Variants in CTPS2 observed in about 807,000 individuals in gnomAD.
CTPS2 encodes CTP synthase II.
A neutral mutation model predicts 46.8 loss-of-function variants in CTPS2; 19 were observed. The observed-to-expected ratio is 0.41, with a 90% CI of 0.28 to 0.60. CTPS2 has a LOEUF of 0.60. CTPS2 is among the 20% of genes least tolerant of loss of function. CTPS2 has a pLI of 0.35. For synonymous variants in CTPS2, 151 were observed against 165.2 expected, an observed-to-expected ratio of 0.91 and a Z score of 0.66; for missense variants, 286 against 447.6, an observed-to-expected ratio of 0.64 and a Z score of 3.26.
chrX:16,695,613 G>A (rs1365912509), intron 4 of CTPS2, among the ~76,000 whole-genome samples: 1 of 110,120 alleles, frequency 9.1e-6, no homozygotes, highest in Non-Finnish European at 1.9e-5. Flanking sequence ...GTGCAATGGC[G>A]CGATGTCGGC....
chrX:16,630,748 G>A (rs1176666090), intron 14 of CTPS2, among the ~76,000 whole-genome samples: 1 of 111,973 alleles, frequency 8.9e-6, no homozygotes, highest in African/African-American at 3.3e-5. Flanking sequence ...GTGCTGGTTT[G>A]GAGGGCATAG....
chrX:16,693,390 T>A lies in CTPS2; in HGVS notation c.536A>T (p.His179Leu). 1.7e-6 allele frequency: 2 copies of A among 1,203,439 alleles called. No individual in the cohort carries two copies. Among genetic ancestry groups the A allele is most frequent in the Non-Finnish European group, 2.3e-6 (2 of 888,151 alleles). The change falls in exon 5 of 19, where the codon CAC becomes CTC. Residue 179 changes from histidine to leucine, a missense_variant. By Grantham distance (99) the His-to-Leu change is moderately conservative. Coordinates refer to ENST00000359276, the MANE Select transcript of CTPS2 (RefSeq NM_175859.3). ...GCCCACCTGTGGGACAAGGCTAACG[T>A]GGATATTACAGAAATTCTCTCTTTT... ...KAKRENFCNI[H>L]VSLVPQLSAT...
chrX:16,652,182 G>A (rs1174490628), intron 13 of CTPS2, among the ~76,000 whole-genome samples: 4 of 111,342 alleles, frequency 3.6e-5, no homozygotes, highest in Non-Finnish European at 7.5e-5. Context: ...AGGCCTAGTC[G>A]AGCAGAGGAC....
At position 16,702,904 on chromosome X, in the gene CTPS2, G is replaced by A. The variant is rs1273499818; in HGVS notation, c.-2C>T. ...ACCCGTGACCAGGATGTACTTCATT[G>A]GCAGAATAGTGGCTGGGTGCCAACA... On this transcript the variant is annotated 5_prime_UTR_variant, in exon 2 of 19. Coordinates refer to ENST00000359276, the MANE Select transcript of CTPS2 (RefSeq NM_175859.3). The A allele has an allele frequency of 8.3e-7, 1 of 1,198,722 alleles. No individual in the cohort carries two copies. The highest frequency in any genetic ancestry group is 2.2e-5 in the Admixed American group (1 of 45,159).
chrX:16,701,629 T>C (rs778913572), intron 2 of CTPS2, among the ~76,000 whole-genome samples: 7 of 102,638 alleles, frequency 6.8e-5, no homozygotes, highest in African/African-American at 2.5e-4. Context: ...TGAGATGGAG[T>C]CTCACTCTGT....
intron 13 of CTPS2, among the ~76,000 whole-genome samples, chrX:16,651,582 G>T (rs769502735): frequency 6.2e-5 from 7 of 112,249 alleles, no homozygotes; most frequent in African/African-American, 2.3e-4. Flanking sequence ...TTAGCAGTCT[G>T]TTAGGAAAAC....
chrX:16,701,990 G>C (rs1569238466), intron 2 of CTPS2, among the ~76,000 whole-genome samples: 1 of 111,248 alleles, frequency 9.0e-6, no homozygotes, highest in Non-Finnish European at 1.9e-5. Context: ...TATGATTTAT[G>C]CACTTTTTTG....
At chrX:16,620,579 C>T (rs970599357) in intron 14 of CTPS2, among the ~76,000 whole-genome samples, 3 of 112,595 alleles carry the variant, frequency 2.7e-5, no homozygotes, top group African/African-American at 9.7e-5. Context: ...CCAGATGCTA[C>T]ACAAGTCCAC....
At chrX:16,611,427 G>A (rs948043727) in intron 16 of CTPS2, among the ~76,000 whole-genome samples, 16 of 108,604 alleles carry the variant, frequency 1.5e-4, no homozygotes, top group Non-Finnish European at 2.9e-4. Context: ...CTCCAGCCTG[G>A]GTGACAGGGT....
chrX:16,608,611 A>C (rs1439269963), intron 17 of CTPS2, among the ~76,000 whole-genome samples: 1 of 111,441 alleles, frequency 9.0e-6, no homozygotes, highest in African/African-American at 3.3e-5. Flanking sequence ...ATAATAAATA[A>C]ATAACAGTTT....
intron 13 of CTPS2, among the ~76,000 whole-genome samples, chrX:16,657,359 G>A (rs1364588135): frequency 9.1e-6 from 1 of 110,045 alleles, no homozygotes. Context: ...GGCAGGGCCA[G>A]GCTTCTCTCT....
At chrX:16,645,083 C>T (rs917815008) in intron 13 of CTPS2, among the ~76,000 whole-genome samples, 16 of 111,164 alleles carry the variant, frequency 1.4e-4, no homozygotes, top group African/African-American at 3.9e-4. Context: ...CCCGGGTTCA[C>T]GCCATTCTCC....
chrX:16,706,868 AAAAC>A (rs1272491664), intron 1 of CTPS2, among the ~76,000 whole-genome samples: 14 of 107,751 alleles, frequency 1.3e-4, no homozygotes, highest in Admixed American at 6.1e-4. Context: ...TCTCAAAAAA[AAAAC>A]AAACAAACAA....
At chrX:16,699,928 AT>A (rs1191366832) in intron 2 of CTPS2, among the ~76,000 whole-genome samples, 2 of 104,474 alleles carry the variant, frequency 1.9e-5, no homozygotes, top group South Asian at 4.2e-4. Flanking sequence ...TTTTTTTTCA[AT>A]TTTTTTTTTC....
intron 17 of CTPS2, among the ~76,000 whole-genome samples, chrX:16,597,126 T>C (rs1014807967): frequency 1.8e-5 from 2 of 111,347 alleles, no homozygotes; most frequent in African/African-American, 6.6e-5. Context: ...GCGAAAATTT[T>C]CTCCCATTTT....
At chrX:16,680,554 CAA>C (rs763759349) in intron 9 of CTPS2, among the ~76,000 whole-genome samples, 10 of 34,905 alleles carry the variant, frequency 2.9e-4, no homozygotes, top group Non-Finnish European at 3.3e-4. Context: ...GACCCTGTCT[CAA>C]AAAAAAAAAA....
At position 16,613,935 on chromosome X, in the gene CTPS2, C is replaced by T. The variant is rs202068166; in HGVS notation, c.1546+3215G>A. 9.0e-5 allele frequency among the ~76,000 whole-genome samples: 10 copies of T among 111,005 alleles called. No homozygotes were observed. The East Asian group carries it at 1.7e-3, about 19-fold the overall frequency. On this transcript the variant is annotated intron_variant, in intron 16 of 18. Coordinates refer to ENST00000359276, the MANE Select transcript of CTPS2 (RefSeq NM_175859.3). ...TGTCTGGAGATATTTTGGGTTGTCA[C>T]AACGTGGGAGGTAGGGATGATAGTG...
intron 15 of CTPS2, among the ~76,000 whole-genome samples, chrX:16,619,012 C>G (rs1356030447): frequency 8.9e-6 from 1 of 112,142 alleles, no homozygotes; most frequent in Non-Finnish European, 1.9e-5. Context: ...TGCGTACGTA[C>G]CAGTTCTTGC....
chrX:16,619,888 C>T (rs1310835089), intron 15 of CTPS2, among the ~76,000 whole-genome samples: 1 of 111,388 alleles, frequency 9.0e-6, no homozygotes, highest in African/African-American at 3.3e-5. Context: ...CCAAAAGGCA[C>T]TTGGTTCCTT....
Sources: allele counts gnomAD v4.1 joint callset (sites outside exome capture counted in the v4.1 genomes callset), GRCh38; gene constraint gnomAD v4.1.1; transcripts MANE v1.5; gene names NCBI Gene and HGNC (gene_info 2026-07-23, HGNC 2026-07-21).